The following CLVS1 variants were observed in gnomAD, a reference collection of about 807,000 sequenced individuals.
CLVS1 encodes clavesin-1.
In CLVS1, 10 loss-of-function variants were observed where a neutral mutation model predicts 33.1. The observed-to-expected ratio is 0.30, with a 90% CI of 0.19 to 0.51. CLVS1 has a LOEUF of 0.51. Among genes scored for constraint, CLVS1 ranks in the 20% least tolerant of loss-of-function variants. The pLI is 0.97. For synonymous variants in CLVS1, 163 were observed against 166.1 expected, an observed-to-expected ratio of 0.98 and a Z score of 0.14; for missense variants, 343 against 433.4, an observed-to-expected ratio of 0.79 and a Z score of 1.85.
chr8:61,104,273 G>A (rs1805497244), intron 1 of CLVS1, among the ~76,000 whole-genome samples: 1 of 152,188 alleles, frequency 6.6e-6, no homozygotes, highest in Non-Finnish European at 1.5e-5. Flanking sequence ...AAGAAATCAG[G>A]CTAGATTCAT....
At chr8:61,104,171 A>T (rs1805495754) in intron 1 of CLVS1, among the ~76,000 whole-genome samples, 1 of 152,220 alleles carries the variant, frequency 6.6e-6, no homozygotes, top group Non-Finnish European at 1.5e-5. Context: ...GCAAAATCCT[A>T]GAATAAAAAA....
intron 1 of CLVS1, chr8:61,057,366 TCACACACACA>T (rs61415501): frequency 0.051 from 7,079 of 139,896 alleles, 197 homozygotes; most frequent in South Asian, 0.097. Context: ...TTAGCACACT[TCACACACACA>T]CACACACACA....
chr8:61,202,274 T>C (rs1217051987), intron 2 of CLVS1: 2 of 587,486 alleles, frequency 3.4e-6, no homozygotes, highest in Admixed American at 2.9e-5. Flanking sequence ...GATTCCATCC[T>C]GTGTGGCTGT....
At chr8:61,438,203 A>T (rs1563553333) in intron 3 of CLVS1, among the ~76,000 whole-genome samples, 2 of 152,106 alleles carry the variant, frequency 1.3e-5, no homozygotes, top group East Asian at 3.9e-4. Context: ...AACAGGCACC[A>T]GTGTGTGTTG....
intron 3 of CLVS1, among the ~76,000 whole-genome samples, chr8:61,439,190 G>A (rs1045762413): frequency 1.3e-5 from 2 of 152,120 alleles, no homozygotes; most frequent in African/African-American, 4.8e-5. Context: ...TTCTGGCATC[G>A]ATTTCCTCTG....
chr8:61,374,015 A>T (rs1813544654), intron 2 of CLVS1, among the ~76,000 whole-genome samples: 1 of 152,250 alleles, frequency 6.6e-6, no homozygotes, highest in African/African-American at 2.4e-5. Flanking sequence ...CAGTGGTAAC[A>T]TCTGAAGTCT....
chr8:61,287,268 A>T (rs1305625197), upstream of CLVS1, among the ~76,000 whole-genome samples: 5 of 151,956 alleles, frequency 3.3e-5, no homozygotes, highest in Non-Finnish European at 7.4e-5. Flanking sequence ...GATATTAAAA[A>T]AATGTGTTTA....
chr8:61,026,510 T>C, the CLVS1 span, among the ~76,000 whole-genome samples: 5 of 152,340 alleles, frequency 3.3e-5, no homozygotes, highest in African/African-American at 7.2e-5. Flanking sequence ...TAGAAGAGCC[T>C]GCAGGCAGGG....
chr8:61,018,691 T>G, the CLVS1 span, among the ~76,000 whole-genome samples: 1 of 152,242 alleles, frequency 6.6e-6, no homozygotes, highest in Non-Finnish European at 1.5e-5. Flanking sequence ...TTCCATCTAC[T>G]GGGCTATGGA....
intron 2 of CLVS1, among the ~76,000 whole-genome samples, chr8:61,345,486 A>G (rs914688384): frequency 2.6e-5 from 4 of 152,000 alleles, no homozygotes; most frequent in African/African-American, 9.7e-5. Context: ...CTAAAAGCAG[A>G]TGGGTGCTCA....
chr8:61,398,922 G>T (rs1351768650), intron 3 of CLVS1, among the ~76,000 whole-genome samples: 1 of 152,168 alleles, frequency 6.6e-6, no homozygotes, highest in African/African-American at 2.4e-5. Flanking sequence ...TGGTGCATAT[G>T]TACTACATTT....
At chr8:61,273,822 G>A (rs911842234) in intron 2 of CLVS1, 4 of 154,168 alleles carry the variant, frequency 2.6e-5, no homozygotes, top group African/African-American at 4.8e-5. Context: ...CGCTTCCCGA[G>A]TGAGGCAATG....
rs57652285 is a variant in CLVS1, at chr8:61,486,098, AAAATAAAT to A, written c.978-13333_978-13326del. 2.3e-3 allele frequency among the ~76,000 whole-genome samples: 340 copies of A among 150,296 alleles called. 1 individual carries two copies. Among genetic ancestry groups the A allele is most frequent in the South Asian group, 5.8e-3 (28 of 4,790 alleles). On this transcript the variant is annotated intron_variant, in intron 5 of 5. Coordinates refer to ENST00000325897, the MANE Select transcript of CLVS1 (RefSeq NM_173519.3). The stretch of plus-strand genomic sequence containing the variant: ...GTACCCTACAACTTAAAGTATAATT[AAAATAAAT>A]AAATAAATAAATAAATAAATAAAAT...
At chr8:61,460,812 A>T (rs191325949) in intron 5 of CLVS1, among the ~76,000 whole-genome samples, 10 of 152,360 alleles carry the variant, frequency 6.6e-5, no homozygotes, top group African/African-American at 2.4e-4. Context: ...TGACTAGAGC[A>T]CTGCCACCTC....
At chr8:61,010,777 AT>A in the CLVS1 span, among the ~76,000 whole-genome samples, 1 of 152,190 alleles carries the variant, frequency 6.6e-6, no homozygotes, top group Non-Finnish European at 1.5e-5. Flanking sequence ...GCCTGCCTGC[AT>A]ACTGCTTACT....
At chr8:61,348,374 T>G (rs529663507) in intron 2 of CLVS1, among the ~76,000 whole-genome samples, 5 of 151,782 alleles carry the variant, frequency 3.3e-5, no homozygotes, top group South Asian at 4.2e-4. Context: ...GAGATATACC[T>G]AATGTAAATG....
the CLVS1 span, among the ~76,000 whole-genome samples, chr8:61,009,134 C>T: frequency 1.3e-5 from 2 of 151,780 alleles, no homozygotes; most frequent in African/African-American, 4.8e-5. Context: ...TTCTATTGTG[C>T]TCTTGCCAGC....
chr8:61,357,976 CT>C (rs1410530635), intron 2 of CLVS1, among the ~76,000 whole-genome samples: 1 of 152,268 alleles, frequency 6.6e-6, no homozygotes, highest in East Asian at 1.9e-4. Context: ...AATCTTGACT[CT>C]GATATTTATT....
intron 2 of CLVS1, among the ~76,000 whole-genome samples, chr8:61,340,063 GAAAGAAAGAA>G (rs1811972057): frequency 6.9e-6 from 1 of 144,850 alleles, no homozygotes. Flanking sequence ...AAAAGAAAAA[GAAAGAAAGAA>G]AAAGAAAGGA....
Sources: gnomAD v4.1 joint callset for allele counts (sites outside exome capture counted in the v4.1 genomes callset) on GRCh38, gnomAD v4.1.1 for gene constraint, MANE v1.5 for transcripts, NCBI Gene and HGNC (gene_info 2026-07-23, HGNC 2026-07-21) for gene names.